The following CACNB4 variants were observed in gnomAD, a reference collection of about 807,000 sequenced individuals.
The protein encoded by CACNB4 is voltage-dependent L-type calcium channel subunit beta-4.
CACNB4 carries 32 observed loss-of-function variants against 71.2 expected under a neutral mutation model. The observed-to-expected ratio is 0.45, with a 90% CI of 0.34 to 0.60. CACNB4 has a LOEUF of 0.60. Among genes scored for constraint, CACNB4 ranks in the 20% least tolerant of loss-of-function variants. CACNB4 has a pLI of 0.01. For missense variants in CACNB4, 464 were observed against 647.9 expected (o/e 0.72, Z 3.08); for synonymous variants, 231 against 236.9 (o/e 0.97, Z 0.23).
At chr2:151,876,107 T>C (rs2099846176) in intron 5 of CACNB4, among the ~76,000 whole-genome samples, 1 of 152,050 alleles carries the variant, frequency 6.6e-6, no homozygotes, top group African/African-American at 2.4e-5. Context: ...AGAGGAGCCA[T>C]ACTGCTGGTT....
chr2:151,987,183 G>T (rs540785790), intron 2 of CACNB4, among the ~76,000 whole-genome samples: 3 of 152,272 alleles, frequency 2.0e-5, no homozygotes, highest in Non-Finnish European at 2.9e-5. Flanking sequence ...GACAACCTCC[G>T]CAACATATGA....
chr2:151,885,785 G>GA (rs375204912), intron 2 of CACNB4, among the ~76,000 whole-genome samples: 26 of 152,202 alleles, frequency 1.7e-4, no homozygotes, highest in African/African-American at 6.3e-4. Context: ...ATCTACTAGG[G>GA]AAAAACTTTG....
intron 9 of CACNB4, chr2:151,868,494 G>C (rs2099843752): frequency 6.6e-6 from 1 of 152,016 alleles, no homozygotes; most frequent in South Asian, 2.1e-4. Flanking sequence ...CTGCAAAACA[G>C]AGAAACTTTC....
At chr2:152,007,656 T>C (rs11682378) in intron 2 of CACNB4, among the ~76,000 whole-genome samples, 30,960 of 152,238 alleles carry the variant, frequency 0.2, 3,369 homozygotes, top group Middle Eastern at 0.4. Context: ...ATTTTGGCTA[T>C]TGTGAAGAAT....
intron 2 of CACNB4, among the ~76,000 whole-genome samples, chr2:151,932,130 T>C (rs1035269892): frequency 2.6e-5 from 4 of 152,158 alleles, no homozygotes; most frequent in African/African-American, 9.6e-5. Context: ...TTTGCTTTTA[T>C]ATATCACTGA....
intron 2 of CACNB4, among the ~76,000 whole-genome samples, chr2:151,889,340 C>T (rs1281722827): frequency 6.6e-6 from 1 of 151,980 alleles, no homozygotes; most frequent in African/African-American, 2.4e-5. Context: ...GTGGCAGATG[C>T]CTGTAATCTC....
At chr2:152,037,395 G>A (rs1684653096) in intron 2 of CACNB4, among the ~76,000 whole-genome samples, 1 of 152,130 alleles carries the variant, frequency 6.6e-6, no homozygotes, top group Non-Finnish European at 1.5e-5. Context: ...TCCTGCTTTG[G>A]CCCAAATGTC....
At chr2:151,848,668 C>G (rs1253272939) in intron 12 of CACNB4, among the ~76,000 whole-genome samples, 1 of 152,106 alleles carries the variant, frequency 6.6e-6, no homozygotes, top group African/African-American at 2.4e-5. Flanking sequence ...GAGATGAGTT[C>G]CCCTCTCCCA....
At chr2:151,883,946 A>C in intron 2 of CACNB4, 1 of 173,006 alleles carries the variant, frequency 5.8e-6, no homozygotes, top group East Asian at 1.6e-4. Context: ...GAGCAGAAAA[A>C]CAACCTTGAG....
chr2:151,933,605 T>G (rs2099862169), intron 2 of CACNB4, among the ~76,000 whole-genome samples: 1 of 152,018 alleles, frequency 6.6e-6, no homozygotes, highest in Non-Finnish European at 1.5e-5. Flanking sequence ...CAACATCAAG[T>G]CTTCTGTGTG....
chr2:151,956,266 T>C (rs1465407568), intron 2 of CACNB4, among the ~76,000 whole-genome samples: 1 of 152,240 alleles, frequency 6.6e-6, no homozygotes, highest in African/African-American at 2.4e-5. Context: ...GCAGCATTAT[T>C]CATAACAGCC....
intron 2 of CACNB4, among the ~76,000 whole-genome samples, chr2:152,086,626 C>T (rs1355564975): frequency 6.6e-6 from 1 of 152,188 alleles, no homozygotes; most frequent in Admixed American, 6.5e-5. Context: ...TCTAGACAAA[C>T]TAAAGGAAGC....
At chr2:152,084,619 T>C (rs1223382657) in intron 2 of CACNB4, among the ~76,000 whole-genome samples, 1 of 152,142 alleles carries the variant, frequency 6.6e-6, no homozygotes, top group Non-Finnish European at 1.5e-5. Flanking sequence ...CCTTTGTTTT[T>C]TGTTCTTTGA....
chr2:151,918,710 C>T lies in CACNB4; in HGVS notation c.148-35340G>A, dbSNP rs533147021. ...AGTTCAAGGGATTGTGTGCGTACTG[C>T]TACATGGCTGCTTATGAATTCTCCT... On this transcript the variant is annotated intron_variant, in intron 2 of 13. Coordinates refer to ENST00000539935, the MANE Select transcript of CACNB4 (RefSeq NM_000726.5). 7.2e-5 allele frequency among the ~76,000 whole-genome samples: 11 copies of T among 152,306 alleles called. No individual in the cohort carries two copies. In the South Asian group the frequency reaches 2.1e-3, roughly 29 times the overall value.
intron 2 of CACNB4, among the ~76,000 whole-genome samples, chr2:151,944,027 C>CTTTTT (rs377579759): frequency 9.6e-5 from 13 of 134,834 alleles, no homozygotes; most frequent in Non-Finnish European, 1.7e-4. Flanking sequence ...TACTTTCTTT[C>CTTTTT]TTTTTTTTTT....
chr2:151,870,561 C>T lies in CACNB4; in HGVS notation c.669G>A (p.Val223=), dbSNP rs2151408188. 6.2e-7 allele frequency: 1 copy of T among 1,613,882 alleles called. No individual in the cohort carries two copies. The highest frequency in any genetic ancestry group is 8.5e-7 in the Non-Finnish European group (1 of 1,179,824). The change falls in exon 8 of 14, where the codon GTG becomes GTA. Residue 223 remains valine (V), a synonymous_variant. Coordinates refer to ENST00000539935, the MANE Select transcript of CACNB4 (RefSeq NM_000726.5). ...AACCTTTCAGTGACGGCCCCACTAA[C>T]ACCACCGGACGCATTGACGGTACAA... ...YDVVPSMRPV[V]LVGPSLKGYE... is the part of the protein sequence containing the mutation.
At chr2:152,065,549 C>T (rs1686267755) in intron 2 of CACNB4, among the ~76,000 whole-genome samples, 1 of 152,186 alleles carries the variant, frequency 6.6e-6, no homozygotes, top group African/African-American at 2.4e-5. Context: ...CAATGTGCTA[C>T]TTTGACTAGG....
At chr2:151,941,899 G>A (rs1263484502) in intron 2 of CACNB4, among the ~76,000 whole-genome samples, 1 of 151,990 alleles carries the variant, frequency 6.6e-6, no homozygotes, top group African/African-American at 2.4e-5. Context: ...TACTATGATT[G>A]TAAATAAAAA....
chr2:151,887,451 G>A (rs1156392781), intron 2 of CACNB4, among the ~76,000 whole-genome samples: 1 of 151,490 alleles, frequency 6.6e-6, no homozygotes, highest in Admixed American at 6.6e-5. Context: ...AAAAAGAAAG[G>A]TATTTTGGTC....
Sources: gnomAD v4.1 joint callset for allele counts (sites outside exome capture counted in the v4.1 genomes callset) on GRCh38, gnomAD v4.1.1 for gene constraint, MANE v1.5 for transcripts, NCBI Gene and HGNC (gene_info 2026-07-23, HGNC 2026-07-21) for gene names.